The following EPHA5 variants were observed in gnomAD, a reference collection of about 807,000 sequenced individuals.
The protein encoded by EPHA5 is ephrin type-A receptor 5.
Under a neutral mutation model 105.0 loss-of-function variants are expected in EPHA5, and 60 were observed. The ratio of observed to expected loss-of-function variants is 0.57; its 90% CI spans 0.46 to 0.71. The LOEUF is 0.71. Among genes scored for constraint, EPHA5 ranks in the 30% least tolerant of loss-of-function variants. EPHA5 has a pLI of 0.00. For synonymous variants in EPHA5, 513 were observed against 449.1 expected (o/e 1.14, Z -1.80); for missense variants, 1,218 against 1,274.7 (o/e 0.96, Z 0.68).
At chr4:65,469,898 C>G (rs1410441197) in intron 5 of EPHA5, among the ~76,000 whole-genome samples, 1 of 151,868 alleles carries the variant, frequency 6.6e-6, no homozygotes, top group Non-Finnish European at 1.5e-5. Context: ...TGTGTGCGCA[C>G]AAAAATTGTT....
At chr4:65,611,876 C>T (rs1182879223) in intron 2 of EPHA5, among the ~76,000 whole-genome samples, 1 of 151,780 alleles carries the variant, frequency 6.6e-6, no homozygotes, top group African/African-American at 2.4e-5. Flanking sequence ...ACTCCAGCCA[C>T]TTGCCAAAGC....
intron 1 of EPHA5, among the ~76,000 whole-genome samples, chr4:65,666,780 CAAA>C (rs1750003586): frequency 1.3e-5 from 2 of 152,256 alleles, no homozygotes; most frequent in Admixed American, 1.3e-4. Flanking sequence ...CCAACATATT[CAAA>C]CATGCCAAAT....
chr4:65,405,859 T>C (rs2148994612), intron 7 of EPHA5, among the ~76,000 whole-genome samples: 1 of 152,158 alleles, frequency 6.6e-6, no homozygotes, highest in African/African-American at 2.4e-5. Flanking sequence ...TATTAATCTC[T>C]AAACTCATAT....
intron 2 of EPHA5, among the ~76,000 whole-genome samples, chr4:65,614,836 A>T (rs4639132): frequency 0.87 from 132,073 of 151,654 alleles, 57,854 homozygotes; most frequent in Non-Finnish European, 0.91. Flanking sequence ...TCTTTACATG[A>T]TTCTAAAGAT....
intron 3 of EPHA5, among the ~76,000 whole-genome samples, chr4:65,575,186 G>T (rs920201247): frequency 1.3e-5 from 2 of 151,992 alleles, no homozygotes; most frequent in African/African-American, 2.4e-5. Flanking sequence ...AGTCCAAAAT[G>T]AATCCTGGCA....
At chr4:65,477,008 T>A (rs1278882474) in intron 5 of EPHA5, among the ~76,000 whole-genome samples, 2 of 152,230 alleles carry the variant, frequency 1.3e-5, no homozygotes, top group Admixed American at 1.3e-4. Context: ...AACACTGATT[T>A]GAAGAACAGG....
In EPHA5 at chr4:65,321,480, C is replaced by G. The variant is rs1366693453; in HGVS notation, c.*2634G>C. On this transcript the variant is annotated 3_prime_UTR_variant, in exon 17 of 17. Coordinates refer to ENST00000613740, the MANE Select transcript of EPHA5 (RefSeq NM_001281766.3). The stretch of plus-strand genomic sequence containing the variant: ...GAAACAAATATTTTAGGAAGGCATT[C>G]TTTCCTCTTTTTTAGGGAGAGTACT... 4 of 229,442 alleles carry G rather than the reference C, an allele frequency of 1.7e-5. No homozygotes were observed. Among genetic ancestry groups the G allele is most frequent in the Non-Finnish European group, 3.5e-5 (4 of 115,694 alleles). 14.2% of individuals were successfully genotyped at this position (229,442 alleles called of 1,614,324 possible). A position where few individuals can be genotyped will look rare whatever the true frequency, so the allele number is the denominator to read the frequency against.
intron 2 of EPHA5, among the ~76,000 whole-genome samples, chr4:65,621,016 G>A (rs958156332): frequency 3.9e-5 from 6 of 151,998 alleles, no homozygotes; most frequent in African/African-American, 7.3e-5. Flanking sequence ...GTATCTCTAT[G>A]GACCAAGTTA....
intron 3 of EPHA5, among the ~76,000 whole-genome samples, chr4:65,495,984 T>A (rs1191811730): frequency 1.3e-5 from 2 of 152,318 alleles, no homozygotes; most frequent in African/African-American, 4.8e-5. Context: ...AATAATAAAT[T>A]AATTAATTAG....
chr4:65,609,282 A>T (rs1744531415), intron 2 of EPHA5, among the ~76,000 whole-genome samples: 1 of 152,172 alleles, frequency 6.6e-6, no homozygotes, highest in African/African-American at 2.4e-5. Flanking sequence ...TATTTCCTCA[A>T]TATTATGTTA....
chr4:65,474,009 G>A (rs975424578), intron 5 of EPHA5, among the ~76,000 whole-genome samples: 20 of 150,670 alleles, frequency 1.3e-4, no homozygotes, highest in Admixed American at 1.1e-3. Flanking sequence ...ATCACACACC[G>A]GGGCCTGTTG....
At chr4:65,607,155 T>C (rs1744307277) in intron 2 of EPHA5, among the ~76,000 whole-genome samples, 1 of 152,094 alleles carries the variant, frequency 6.6e-6, no homozygotes, top group Non-Finnish European at 1.5e-5. Context: ...GAAGATATCC[T>C]GATTTCAAAT....
rs752027605 is a variant in EPHA5 at position 65,602,208 on chromosome 4, T to C, written c.343A>G (p.Thr115Ala). Residue 115 changes from threonine (T) to alanine (A), a missense_variant, in exon 3 of 17, where the codon ACC becomes GCC. By Grantham distance (58) the Thr-to-Ala change is moderately conservative. Coordinates refer to ENST00000613740, the MANE Select transcript of EPHA5 (RefSeq NM_001281766.3). ...MEQNQNNWLL[T>A]SWISNEGASR... ...GCACCTTCATTGGAGATCCAACTGG[T>C]CAAAAGCCAGTTATTCTGATTCTGT... The C allele has an allele frequency of 1.1e-5, 17 of 1,613,726 alleles. No individual in the cohort carries two copies. The South Asian group carries it at 1.9e-4, about 18-fold the overall frequency.
chr4:65,340,051 A>G (rs2148822144), intron 14 of EPHA5, among the ~76,000 whole-genome samples: 1 of 152,202 alleles, frequency 6.6e-6, no homozygotes, highest in South Asian at 2.1e-4. Context: ...CTGGGGGAGG[A>G]CAAATTTGTA....
chr4:65,392,074 T>C (rs914184545), intron 8 of EPHA5, among the ~76,000 whole-genome samples: 2 of 152,138 alleles, frequency 1.3e-5, no homozygotes, highest in Non-Finnish European at 2.9e-5. Context: ...CCTAGGACGG[T>C]TTACTTCCCA....
chr4:65,600,404 A>G lies in EPHA5; in HGVS notation c.910+1237T>C, dbSNP rs561042833. ...TGCATGGAAAAACAACAGAATTAAT[A>G]GTAGATGGTATTTCAAAGATACAAA... On this transcript the variant is annotated intron_variant, in intron 3 of 16. Coordinates refer to ENST00000613740, the MANE Select transcript of EPHA5 (RefSeq NM_001281766.3). 1.6e-4 allele frequency among the ~76,000 whole-genome samples: 24 copies of G among 152,290 alleles called. No individual in the cohort carries two copies. In the South Asian group the frequency reaches 5.0e-3, roughly 32 times the overall value.
chr4:65,401,363 G>T (rs1578022988), intron 8 of EPHA5, among the ~76,000 whole-genome samples: 1 of 152,016 alleles, frequency 6.6e-6, no homozygotes, highest in East Asian at 1.9e-4. Flanking sequence ...GATAGAAAAA[G>T]TCTTTCAAGA....
chr4:65,543,322 C>T (rs1331405075), intron 3 of EPHA5, among the ~76,000 whole-genome samples: 2 of 151,832 alleles, frequency 1.3e-5, no homozygotes, highest in Non-Finnish European at 2.9e-5. Context: ...TTTAGAAAAC[C>T]CCATCATCTC....
intron 3 of EPHA5, among the ~76,000 whole-genome samples, chr4:65,566,001 A>T (rs1739495929): frequency 6.6e-6 from 1 of 151,592 alleles, no homozygotes; most frequent in African/African-American, 2.4e-5. Context: ...ATGGGTTATA[A>T]CCTTGAATTC....
Sources: gnomAD v4.1 joint callset for allele counts (sites outside exome capture counted in the v4.1 genomes callset) on GRCh38, gnomAD v4.1.1 for gene constraint, MANE v1.5 for transcripts, NCBI Gene and HGNC (gene_info 2026-07-23, HGNC 2026-07-21) for gene names.